The following XYLB variants were observed in gnomAD, a reference collection of about 807,000 sequenced individuals.
XYLB encodes xylulose kinase.
Under a neutral mutation model 78.7 loss-of-function variants are expected in XYLB, and 62 were observed. The ratio of observed to expected loss-of-function variants is 0.79; its 90% CI spans 0.64 to 0.97. The LOEUF is 0.97. XYLB is among the 50% of genes least tolerant of loss of function. The probability of loss-of-function intolerance (pLI) is 0.00; values close to 1 mark genes in which losing one functional copy is unlikely to be tolerated. For synonymous variants in XYLB, 245 were observed against 247.4 expected (o/e 0.99, Z 0.09); for missense variants, 687 against 676.8 (o/e 1.02, Z -0.17).
At chr3:38,387,082 G>T (rs1344546769) in intron 15 of XYLB, among the ~76,000 whole-genome samples, 1 of 152,140 alleles carries the variant, frequency 6.6e-6, no homozygotes, top group South Asian at 2.1e-4. Context: ...ATTTTCAGCA[G>T]TTTGATTATG....
At chr3:38,411,661 A>C (rs1016678964) in intron 18 of XYLB, among the ~76,000 whole-genome samples, 10 of 151,478 alleles carry the variant, frequency 6.6e-5, no homozygotes, top group Non-Finnish European at 1.3e-4. Context: ...AAAAAAAAAA[A>C]CCCTTTCCTA....
intron 15 of XYLB, among the ~76,000 whole-genome samples, chr3:38,388,734 G>A (rs1382783443): frequency 4.6e-5 from 7 of 151,954 alleles, no homozygotes; most frequent in African/African-American, 1.2e-4. Flanking sequence ...ATTTTGTCAG[G>A]GAGGTTTATT....
intron 15 of XYLB, among the ~76,000 whole-genome samples, chr3:38,391,235 A>C (rs506525): frequency 0.59 from 61,155 of 103,350 alleles, 13,842 homozygotes; most frequent in East Asian, 0.68. Context: ...CAACAACAAC[A>C]ACAAAAAAAA....
At chr3:38,434,594 GACA>G in the XYLB span, among the ~76,000 whole-genome samples, 1 of 152,134 alleles carries the variant, frequency 6.6e-6, no homozygotes, top group Admixed American at 6.6e-5. Context: ...GAAACAAAAG[GACA>G]ACATTTACCA....
chr3:38,359,380 G>A (rs566141872), intron 2 of XYLB, among the ~76,000 whole-genome samples: 5 of 152,258 alleles, frequency 3.3e-5, no homozygotes, highest in South Asian at 2.1e-4. Context: ...CATAGCCATC[G>A]GGAACATGTC....
intron 4 of XYLB, among the ~76,000 whole-genome samples, 182 bp from the exon 5 acceptor site, chr3:38,365,017 C>T (rs578103368): frequency 6.6e-6 from 1 of 152,326 alleles, no homozygotes; most frequent in African/African-American, 2.4e-5. Flanking sequence ...GGCAGAGTTC[C>T]TCCCCATTTT....
chr3:38,390,917 C>T (rs145266029), intron 15 of XYLB, among the ~76,000 whole-genome samples: 9 of 152,152 alleles, frequency 5.9e-5, no homozygotes, highest in Admixed American at 2.0e-4. Flanking sequence ...GATCAGCACT[C>T]GGGTTAAGAA....
chr3:38,428,090 T>G, the XYLB span, among the ~76,000 whole-genome samples: 1 of 152,254 alleles, frequency 6.6e-6, no homozygotes. Context: ...TTTCGTTAAT[T>G]CTTAGGTTAA....
chr3:38,405,895 G>A (rs1480816344), intron 18 of XYLB, among the ~76,000 whole-genome samples: 3 of 152,248 alleles, frequency 2.0e-5, no homozygotes, highest in African/African-American at 4.8e-5. Flanking sequence ...CTCGAACTGG[G>A]TGGAGCCCAC....
intron 18 of XYLB, among the ~76,000 whole-genome samples, chr3:38,411,965 T>A (rs916148879): frequency 6.6e-6 from 1 of 151,568 alleles, no homozygotes. Flanking sequence ...CTTTTGTCTG[T>A]ATGATGTGGA....
chr3:38,377,011 T>C lies in XYLB; in HGVS notation c.1194+20T>C. On this transcript the variant is annotated intron_variant, in intron 14 of 18. Coordinates refer to ENST00000207870, the MANE Select transcript of XYLB (RefSeq NM_005108.4). ...CACAAGGTACATGTGCTGTTGGTGTTGGAGTTACATTGGCTCCATTTGTGA... is the reference window on the plus strand; with the variant it reads ...CACAAGGTACATGTGCTGTTGGTGTCGGAGTTACATTGGCTCCATTTGTGA... 1 of 1,603,918 alleles carries C rather than the reference T, an allele frequency of 6.2e-7. No individual in the cohort carries two copies. The highest frequency in any genetic ancestry group is 8.5e-7 in the Non-Finnish European group (1 of 1,172,494).
chr3:38,388,675 A>G (rs1416202843), intron 15 of XYLB, among the ~76,000 whole-genome samples: 1 of 152,190 alleles, frequency 6.6e-6, no homozygotes, highest in African/African-American at 2.4e-5. Flanking sequence ...GGAATCTAAA[A>G]AATGTATTTT....
intron 2 of XYLB, among the ~76,000 whole-genome samples, chr3:38,351,406 A>G (rs760559835): frequency 3.3e-5 from 5 of 152,086 alleles, no homozygotes; most frequent in Non-Finnish European, 7.4e-5. Flanking sequence ...CATAACCAAA[A>G]TATGGTATTG....
In XYLB at chr3:38,397,221, A is replaced by G; in HGVS notation, c.1438+62A>G. ...GGCCAGGACATGGGGTGGGCTGAGG[A>G]GGGTGGAAAGGGGAGAGTGAGGTGT... On this transcript the variant is annotated intron_variant, in intron 17 of 18. Coordinates refer to ENST00000207870, the MANE Select transcript of XYLB (RefSeq NM_005108.4). The G allele has an allele frequency of 2.0e-6, 3 of 1,480,294 alleles. No homozygotes were observed. In the South Asian group the frequency reaches 3.4e-5, roughly 17 times the overall value. 91.7% of individuals were successfully genotyped at this position (1,480,294 alleles called of 1,614,324 possible).
intron 9 of XYLB, chr3:38,372,441 C>T (rs1706618038): frequency 2.0e-6 from 2 of 985,324 alleles, no homozygotes; most frequent in Non-Finnish European, 2.4e-6. Flanking sequence ...TCGTGGTTTC[C>T]AAACCTGCAC....
At position 38,366,845 on chromosome 3, in the gene XYLB, A is replaced by G. The variant is rs780286879; in HGVS notation, c.545A>G (p.Gln182Arg). 8.1e-6 allele frequency: 13 copies of G among 1,613,608 alleles called. No individual in the cohort carries two copies. The highest frequency in any genetic ancestry group is 1.1e-5 in the Non-Finnish European group (13 of 1,179,474). ...TGNQIAKIYQ[Q>R]NPEAYSHTER... Reference sequence around the variant, plus strand: ...AACCAAATTGCAAAAATTTACCAGCAGAACCCCGAGGCCTACTCACATACG... The same window carrying G: ...AACCAAATTGCAAAAATTTACCAGCGGAACCCCGAGGCCTACTCACATACG... The change falls in exon 7 of 19, where the codon CAG (glutamine) becomes CGG (arginine). Residue 182 changes from glutamine to arginine, a missense_variant. Gln to Arg is a conservative substitution (Grantham distance 43). Coordinates refer to ENST00000207870, the MANE Select transcript of XYLB (RefSeq NM_005108.4).
chr3:38,414,430 C>T lies in XYLB; in HGVS notation c.*1417C>T, dbSNP rs1708720266. 2 of 152,120 alleles carry T rather than the reference C, an allele frequency of 1.3e-5. No individual in the cohort carries two copies. The highest frequency in any genetic ancestry group is 6.6e-5 in the Admixed American group (1 of 15,266). The allele number at this position is 152,120 out of a possible 1,614,324, so 9.4% of individuals were successfully genotyped here. ...ATTCCGAAGAAGACAGACAACTCCC[C>T]CTAGTACCACCTAGACATTACTTTT... On this transcript the variant is annotated 3_prime_UTR_variant, in exon 19 of 19. Transcript: ENST00000207870.
intron 4 of XYLB, among the ~76,000 whole-genome samples, 187 bp downstream of exon 4, chr3:38,363,204 CA>C (rs1706070256): frequency 1.3e-5 from 2 of 152,096 alleles, no homozygotes; most frequent in Non-Finnish European, 2.9e-5. Context: ...TGTCTCGTTG[CA>C]AAAGGATCTG....
the XYLB span, among the ~76,000 whole-genome samples, chr3:38,436,623 A>T: frequency 2.6e-5 from 4 of 152,188 alleles, no homozygotes; most frequent in Non-Finnish European, 5.9e-5. Flanking sequence ...CAAAAAAGAA[A>T]ACTACAGGGC....
Sources: allele counts gnomAD v4.1 joint callset (sites outside exome capture counted in the v4.1 genomes callset), GRCh38; gene constraint gnomAD v4.1.1; transcripts MANE v1.5; gene names NCBI Gene and HGNC (gene_info 2026-07-23, HGNC 2026-07-21).